The following CCSER1 variants were observed in gnomAD, a reference collection of about 807,000 sequenced individuals.
CCSER1 encodes the protein serine-rich coiled-coil domain-containing protein 1.
CCSER1 carries 41 observed loss-of-function variants against 82.0 expected under a neutral mutation model. The observed-to-expected ratio is 0.50, with a 90% CI of 0.39 to 0.65. The LOEUF (loss-of-function observed/expected upper bound fraction) is 0.65, where lower values mean the gene tolerates loss of function less well. Ranked by LOEUF, CCSER1 falls within the 30% of genes least tolerant of loss-of-function variation. The pLI is 0.00. For synonymous variants in CCSER1, 414 were observed against 383.9 expected, an observed-to-expected ratio of 1.08 and a Z score of -0.92; for missense variants, 1,119 against 1,064.2, an observed-to-expected ratio of 1.05 and a Z score of -0.72.
At chr4:90,725,148 A>G (rs1481282910) in intron 7 of CCSER1, 1 of 224,474 alleles carries the variant, frequency 4.5e-6, no homozygotes, top group Admixed American at 4.9e-5. Flanking sequence ...ACAAAGTTTG[A>G]TGTTACCGTT....
intron 10 of CCSER1, among the ~76,000 whole-genome samples, chr4:91,242,242 T>C (rs1000365018): frequency 6.6e-6 from 1 of 152,056 alleles, no homozygotes; most frequent in African/African-American, 2.4e-5. Flanking sequence ...GACGGTGTGA[T>C]TGGAAGGGAG....
At chr4:90,567,528 G>C (rs1455512207) in intron 5 of CCSER1, among the ~76,000 whole-genome samples, 1 of 151,852 alleles carries the variant, frequency 6.6e-6, no homozygotes, top group Admixed American at 6.6e-5. Flanking sequence ...GACCTCAGGT[G>C]ATCTGCCTGC....
chr4:91,089,563 C>T (rs770817110), intron 10 of CCSER1, among the ~76,000 whole-genome samples: 1 of 152,122 alleles, frequency 6.6e-6, no homozygotes, highest in Non-Finnish European at 1.5e-5. Flanking sequence ...TTATGTCTTC[C>T]CGTGCAATAG....
chr4:90,810,440 G>C (rs914349365), intron 7 of CCSER1, among the ~76,000 whole-genome samples: 8 of 152,208 alleles, frequency 5.3e-5, no homozygotes, highest in African/African-American at 1.9e-4. Flanking sequence ...CTGAGGTCTG[G>C]AGTTTGAGGC....
At chr4:91,421,959 A>C (rs146258402) in intron 10 of CCSER1, among the ~76,000 whole-genome samples, 12 of 152,216 alleles carry the variant, frequency 7.9e-5, no homozygotes, top group Middle Eastern at 6.8e-3. Flanking sequence ...CAAGCTTTAG[A>C]AGCTTAGATT....
chr4:90,797,237 T>C (rs985482922), intron 7 of CCSER1, among the ~76,000 whole-genome samples: 1 of 152,236 alleles, frequency 6.6e-6, no homozygotes, highest in Non-Finnish European at 1.5e-5. Flanking sequence ...CATTATGTAT[T>C]GTCCTTGTCT....
chr4:90,349,276 T>C (rs147370194), intron 3 of CCSER1, among the ~76,000 whole-genome samples: 1,714 of 152,276 alleles, frequency 0.011, 31 homozygotes, highest in African/African-American at 0.04. Flanking sequence ...TACAAATAAC[T>C]CAGGTAAATA....
intron 5 of CCSER1, 137 bp downstream of exon 5, chr4:90,468,491 T>C: frequency 1.4e-6 from 1 of 700,750 alleles, no homozygotes; most frequent in Non-Finnish European, 2.2e-6. Flanking sequence ...AAATCATCTA[T>C]TCTATATTAT....
intron 1 of CCSER1, among the ~76,000 whole-genome samples, chr4:90,306,797 A>C (rs1438285159): frequency 1.3e-5 from 2 of 152,226 alleles, no homozygotes; most frequent in African/African-American, 4.8e-5. Flanking sequence ...TTCAATTTAC[A>C]AAGGGAGAGA....
chr4:90,279,597 C>T (rs1156524426), intron 1 of CCSER1, among the ~76,000 whole-genome samples: 6 of 152,078 alleles, frequency 3.9e-5, no homozygotes, highest in African/African-American at 4.8e-5. Context: ...TTCTGCTTCT[C>T]GCTGCACTGT....
At chr4:90,642,131 A>G (rs1196964269) in intron 6 of CCSER1, 5 of 163,888 alleles carry the variant, frequency 3.1e-5, no homozygotes, top group African/African-American at 1.2e-4. Context: ...GGAAAAAGAC[A>G]GTGAGCAGAG....
intron 10 of CCSER1, among the ~76,000 whole-genome samples, chr4:91,406,745 TA>T (rs1752728829): frequency 6.6e-6 from 1 of 152,330 alleles, no homozygotes; most frequent in South Asian, 2.1e-4. Flanking sequence ...GTTGTATAAA[TA>T]AAATATTCTG....
At chr4:91,529,353 A>G (rs1760915220) in intron 10 of CCSER1, among the ~76,000 whole-genome samples, 1 of 152,120 alleles carries the variant, frequency 6.6e-6, no homozygotes, top group African/African-American at 2.4e-5. Flanking sequence ...TGCAAGACCC[A>G]TGTAGGGCAA....
intron 10 of CCSER1, among the ~76,000 whole-genome samples, chr4:91,256,723 A>G (rs1369447407): frequency 6.6e-6 from 1 of 152,220 alleles, no homozygotes; most frequent in Admixed American, 6.5e-5. Context: ...GTGGCACAAA[A>G]AAAGCCACAT....
At chr4:90,413,787 CA>C (rs546585733) in intron 4 of CCSER1, among the ~76,000 whole-genome samples, 114 of 138,446 alleles carry the variant, frequency 8.2e-4, no homozygotes, top group South Asian at 1.8e-3. Flanking sequence ...ACTAAAAATA[CA>C]AAAAAAAAAA....
intron 9 of CCSER1, among the ~76,000 whole-genome samples, chr4:91,008,742 C>G (rs532092668): frequency 6.6e-6 from 1 of 152,084 alleles, no homozygotes; most frequent in Non-Finnish European, 1.5e-5. Flanking sequence ...CTGATGTTAC[C>G]GGGTGGTCCT....
In CCSER1 at chr4:90,257,399, A is replaced by T. The variant is rs189141277; in HGVS notation, c.-41-50845A>T. 3.0e-4 allele frequency among the ~76,000 whole-genome samples: 45 copies of T among 152,212 alleles called. 1 individual carries two copies. Among genetic ancestry groups the T allele is most frequent in the Admixed American group, 1.1e-3 (17 of 15,276 alleles). On this transcript the variant is annotated intron_variant, in intron 1 of 10. Transcript: ENST00000509176. Reference sequence around the variant, plus strand: ...ATAAATGTTTAAGGGAGCAAAAAATATTTTTTGGTGTATTTAAAAGTCAAA... The same window carrying T: ...ATAAATGTTTAAGGGAGCAAAAAATTTTTTTTGGTGTATTTAAAAGTCAAA...
At chr4:91,399,426 T>C (rs1419446442) in intron 10 of CCSER1, among the ~76,000 whole-genome samples, 1 of 151,996 alleles carries the variant, frequency 6.6e-6, no homozygotes, top group African/African-American at 2.4e-5. Flanking sequence ...TTTTAAAATG[T>C]TCATCATTGT....
intron 10 of CCSER1, among the ~76,000 whole-genome samples, chr4:91,252,133 C>A (rs567290875): frequency 2.9e-4 from 44 of 152,156 alleles, no homozygotes; most frequent in Non-Finnish European, 3.4e-4. Flanking sequence ...CAACAGATTT[C>A]TCATCAGAAT....
Sources: allele counts gnomAD v4.1 joint callset (sites outside exome capture counted in the v4.1 genomes callset), GRCh38; gene constraint gnomAD v4.1.1; transcripts MANE v1.5; gene names NCBI Gene and HGNC (gene_info 2026-07-23, HGNC 2026-07-21).